MYO1H: variants seen among roughly 807,000 people sequenced by gnomAD.
The protein encoded by MYO1H is myosin IH, also known as unconventional myosin-Ih.
In MYO1H, 118 loss-of-function variants were observed where a neutral mutation model predicts 149.3. That is an observed-to-expected ratio of 0.79 (90% CI 0.68 to 0.92). MYO1H has a LOEUF of 0.92. MYO1H is among the 40% of genes least tolerant of loss of function. The probability of loss-of-function intolerance (pLI) is 0.00; values close to 1 mark genes in which losing one functional copy is unlikely to be tolerated. For synonymous variants in MYO1H, 447 were observed against 465.2 expected, an observed-to-expected ratio of 0.96 and a Z score of 0.50; for missense variants, 1,212 against 1,280.7, an observed-to-expected ratio of 0.95 and a Z score of 0.82.
the MYO1H span, among the ~76,000 whole-genome samples, chr12:109,327,945 C>G: frequency 6.6e-6 from 1 of 151,728 alleles, no homozygotes. Flanking sequence ...TATGCATCAA[C>G]TCTTTTTAGA....
At chr12:109,337,334 A>G in the MYO1H span, among the ~76,000 whole-genome samples, 1 of 152,242 alleles carries the variant, frequency 6.6e-6, no homozygotes, top group African/African-American at 2.4e-5. Flanking sequence ...CCGGGGAACC[A>G]TGCAGAGAGC....
At chr12:109,432,783 A>G in intron 19 of MYO1H, 114 bp from the exon 20 acceptor site, 1 of 795,486 alleles carries the variant, frequency 1.3e-6, no homozygotes. Context: ...TACTACATAC[A>G]CTGAGTGGCC....
intron 1 of MYO1H, among the ~76,000 whole-genome samples, chr12:109,356,279 G>A (rs1030915609): frequency 6.6e-6 from 1 of 152,180 alleles, no homozygotes; most frequent in Non-Finnish European, 1.5e-5. Context: ...TTTCTACTGA[G>A]TGTTTGCAAG....
intron 1 of MYO1H, among the ~76,000 whole-genome samples, chr12:109,371,280 G>C (rs896756885): frequency 2.8e-5 from 4 of 143,482 alleles, no homozygotes; most frequent in African/African-American, 1.0e-4. Context: ...CAGTGGTGCA[G>C]TTATGACTCA....
At chr12:109,446,442 A>G (rs1050818189) in intron 31 of MYO1H, 3 of 985,444 alleles carry the variant, frequency 3.0e-6, no homozygotes, top group Non-Finnish European at 3.6e-6. Flanking sequence ...TCTCATACAC[A>G]TTTAAATTTA....
At chr12:109,356,644 T>C (rs1457736464) in intron 1 of MYO1H, among the ~76,000 whole-genome samples, 2 of 152,182 alleles carry the variant, frequency 1.3e-5, no homozygotes, top group African/African-American at 4.8e-5. Flanking sequence ...GGCATTTTTT[T>C]CCCCTCCACC....
intron 1 of MYO1H, among the ~76,000 whole-genome samples, chr12:109,378,425 A>G (rs963405296): frequency 1.3e-5 from 2 of 151,754 alleles, no homozygotes; most frequent in Admixed American, 1.3e-4. Context: ...GACTTAAGCA[A>G]TCCTCCCACC....
chr12:109,447,463 C>T (rs947048896), exon 32 of MYO1H: 45 of 548,838 alleles, frequency 8.2e-5, no homozygotes, highest in East Asian at 4.5e-4. Context: ...ATGTTCAGTG[C>T]GCAGTCCAAC....
At chr12:109,402,952 TC>T (rs1352929731) in intron 6 of MYO1H, among the ~76,000 whole-genome samples, 1 of 152,196 alleles carries the variant, frequency 6.6e-6, no homozygotes, top group East Asian at 1.9e-4. Flanking sequence ...TTCAACTAGA[TC>T]TTTATACATC....
chr12:109,340,028 T>G, the MYO1H span, among the ~76,000 whole-genome samples: 2 of 152,152 alleles, frequency 1.3e-5, no homozygotes, highest in Admixed American at 1.3e-4. Context: ...TTGTTTATAG[T>G]ATTAATAGCA....
chr12:109,380,178 A>G (rs1307836549), intron 1 of MYO1H, among the ~76,000 whole-genome samples: 1 of 152,108 alleles, frequency 6.6e-6, no homozygotes, highest in Non-Finnish European at 1.5e-5. Context: ...TACACATGAC[A>G]GCCACCGCAC....
At chr12:109,401,101 C>T (rs1038578929) in exon 6 of MYO1H, 11 of 1,613,542 alleles carry the variant, frequency 6.8e-6, no homozygotes, top group Non-Finnish European at 7.6e-6. Context: ...AGGGCATTCC[C>T]GTAGGTGGGC....
At chr12:109,444,630 G>A (rs1218793274) in intron 30 of MYO1H, 101 bp downstream of exon 30, 3 of 869,274 alleles carry the variant, frequency 3.5e-6, no homozygotes, top group Non-Finnish European at 5.6e-6. Context: ...ACTTTGGGAG[G>A]CTGAGGTGAG....
the MYO1H span, among the ~76,000 whole-genome samples, chr12:109,338,140 C>T: frequency 6.6e-6 from 1 of 152,118 alleles, no homozygotes; most frequent in African/African-American, 2.4e-5. Context: ...GCCATTATGG[C>T]TCACTGCAGC....
chr12:109,341,190 A>G, the MYO1H span, among the ~76,000 whole-genome samples: 2 of 124,370 alleles, frequency 1.6e-5, no homozygotes, highest in Non-Finnish European at 3.3e-5. Flanking sequence ...CTCCATCTCG[A>G]AAAAAAAAAA....
chr12:109,319,931 G>C, the MYO1H span, among the ~76,000 whole-genome samples: 1 of 152,108 alleles, frequency 6.6e-6, no homozygotes. Flanking sequence ...TTTTTGTTTT[G>C]TTTTGTTTTG....
intron 15 of MYO1H, among the ~76,000 whole-genome samples, chr12:109,420,067 G>A (rs1445953545): frequency 6.6e-6 from 1 of 152,182 alleles, no homozygotes; most frequent in Non-Finnish European, 1.5e-5. Context: ...CAGTCGTGGG[G>A]AATTTTCTCA....
intron 1 of MYO1H, among the ~76,000 whole-genome samples, chr12:109,348,811 A>G (rs78963634): frequency 6.6e-6 from 1 of 152,216 alleles, no homozygotes; most frequent in Non-Finnish European, 1.5e-5. Context: ...TCTTGCCTAG[A>G]CAGCCAAAAA....
chr12:109,388,983 C>T, intron 2 of MYO1H, 139 bp downstream of exon 2: 1 of 1,129,226 alleles, frequency 8.9e-7, no homozygotes, highest in Non-Finnish European at 1.2e-6. Context: ...CTTAGATGCA[C>T]TTCGATCCTT....
Sources: gnomAD v4.1 joint callset for allele counts (sites outside exome capture counted in the v4.1 genomes callset) on GRCh38, gnomAD v4.1.1 for gene constraint, MANE v1.5 for transcripts, NCBI Gene and HGNC (gene_info 2026-07-23, HGNC 2026-07-21) for gene names.